STARD8: variants seen among roughly 807,000 people sequenced by gnomAD.
STARD8 encodes stAR-related lipid transfer protein 8.
STARD8 carries 25 observed loss-of-function variants against 69.4 expected under a neutral mutation model. That is an observed-to-expected ratio of 0.36 (90% CI 0.26 to 0.50). The LOEUF (loss-of-function observed/expected upper bound fraction) is 0.50. Among genes scored for constraint, STARD8 ranks in the 20% least tolerant of loss-of-function variants. STARD8 has a pLI of 0.96. For synonymous variants in STARD8, 389 were observed against 374.6 expected (o/e 1.04, Z -0.45); for missense variants, 921 against 932.5 (o/e 0.99, Z 0.16).
intron 2 of STARD8, among the ~76,000 whole-genome samples, chrX:68,706,273 GT>G (rs1468229402): frequency 8.9e-6 from 1 of 111,991 alleles, no homozygotes; most frequent in African/African-American, 3.3e-5. Context: ...CTCCTGTGAG[GT>G]TTGGAATGTA....
chrX:68,655,488 C>T (rs777018122), intron 1 of STARD8, among the ~76,000 whole-genome samples: 49 of 111,849 alleles, frequency 4.4e-4, no homozygotes, highest in Non-Finnish European at 6.0e-4. Flanking sequence ...TAGGTATTGG[C>T]CCCCTATATG....
At chrX:68,648,023 G>A (rs1050712303) in intron 1 of STARD8, 96 bp downstream of exon 1, 12 of 1,039,722 alleles carry the variant, frequency 1.2e-5, no homozygotes, top group Non-Finnish European at 1.4e-5. Context: ...GGACCAGACG[G>A]GCTTCTGAGA....
intron 1 of STARD8, among the ~76,000 whole-genome samples, chrX:68,650,796 CA>C (rs1190542205): frequency 9.9e-6 from 1 of 101,222 alleles, no homozygotes; most frequent in East Asian, 3.0e-4. Flanking sequence ...CAAAACAAAA[CA>C]AAACAAAACA....
rs766777453 is a variant in STARD8, at chrX:68,712,992, C to T, written c.151+7C>T. ...TATGTGCAGCTTTTTGAAGGTAAGG[C>T]CACTCAACTGTTTACCCTCCCATAC... On this transcript the variant is annotated splice_region_variant and intron_variant, in intron 3 of 14. Transcript: ENST00000374599. 13 of 1,197,700 alleles carry T rather than the reference C, an allele frequency of 1.1e-5. No homozygotes were observed. In the South Asian group the frequency reaches 2.2e-4, roughly 20 times the overall value.
Position 68,724,290 on chromosome X carries a change from C to T in STARD8, c.3195-15C>T, listed in dbSNP as rs757530112. On this transcript the variant is annotated splice_polypyrimidine_tract_variant and intron_variant, in intron 14 of 14. Transcript: ENST00000374599. ...AAAATCCATTGCTCATGCCTGGTTTCTTCTGCTTCCCTAGGGGCCGTTCTC... is the reference window on the plus strand; with the variant it reads ...AAAATCCATTGCTCATGCCTGGTTTTTTCTGCTTCCCTAGGGGCCGTTCTC... 47 of 1,205,179 alleles carry T rather than the reference C, an allele frequency of 3.9e-5. No homozygotes were observed. The highest frequency in any genetic ancestry group is 4.9e-5 in the Non-Finnish European group (44 of 891,150).
rs199792176 is a variant in STARD8, at chrX:68,717,464, C to T, written c.550C>T (p.Arg184Trp). ...LPGRAPSSSD[R>W]PLLSPTQGQE... is the part of the protein sequence containing the mutation. Reference sequence around the variant, plus strand: ...AGGCCGTGCCCCCAGCTCGAGTGACCGGCCCCTCCTCAGCCCCACCCAGGG... The same window carrying T: ...AGGCCGTGCCCCCAGCTCGAGTGACTGGCCCCTCCTCAGCCCCACCCAGGG... The change falls in exon 6 of 15, where the codon CGG becomes TGG. Residue 184 changes from arginine to tryptophan, a missense_variant. Coordinates refer to ENST00000374599, the MANE Select transcript of STARD8 (RefSeq NM_001142503.3). 426 of 1,208,115 alleles carry T rather than the reference C, an allele frequency of 3.5e-4. 1 individual carries two copies. The highest frequency in any genetic ancestry group is 5.2e-4 in the Admixed American group (24 of 45,741).
In STARD8 at chrX:68,725,576, A is replaced by AT. The variant is rs1213009575; in HGVS notation, c.*1155dup. ...AGCTAATATATATATATATATATAT[A>AT]TATGTGTGTGTGTGTGTGTGTGTAT... is the stretch of plus-strand genomic sequence containing the variant. On this transcript the variant is annotated 3_prime_UTR_variant, in exon 15 of 15. Coordinates refer to ENST00000374599, the MANE Select transcript of STARD8 (RefSeq NM_001142503.3). 9.6e-6 allele frequency: 1 copy of AT among 104,460 alleles called. No individual in the cohort carries two copies. The highest frequency in any genetic ancestry group is 1.0e-4 in the Admixed American group (1 of 9,668). 8.6% of individuals were successfully genotyped at this position (104,460 alleles called of 1,213,427 possible). A position where few individuals can be genotyped will look rare whatever the true frequency, so the allele number is the denominator to read the frequency against.
chrX:68,685,701 C>G (rs960282497), intron 2 of STARD8, among the ~76,000 whole-genome samples: 8 of 112,810 alleles, frequency 7.1e-5, no homozygotes, highest in African/African-American at 2.6e-4. Flanking sequence ...ATGGCCAAGT[C>G]ATTTGCATTC....
rs2080194516 is a variant in STARD8, at chrX:68,725,619, C to CACACACATATATATGTGTGTATATATAT, written c.*1203_*1230dup. 9.8e-6 allele frequency: 1 copy of CACACACATATATATGTGTGTATATATAT among 102,444 alleles called. No homozygotes were observed. Among genetic ancestry groups the CACACACATATATATGTGTGTATATATAT allele is most frequent in the Admixed American group, 1.1e-4 (1 of 9,397 alleles). The allele number at this position is 102,444 out of a possible 1,213,427, so 8.4% of individuals were successfully genotyped here. On this transcript the variant is annotated 3_prime_UTR_variant, in exon 15 of 15. Transcript: ENST00000374599. Reference sequence around the variant, plus strand: ...GTGTGTATATGTGTTTATAGAGATACACACACATATATATGTGTGTATATA... The same window carrying CACACACATATATATGTGTGTATATATAT: ...GTGTGTATATGTGTTTATAGAGATACACACACATATATATGTGTGTATATATATACACACATATATATGTGTGTATATA...
intron 2 of STARD8, among the ~76,000 whole-genome samples, chrX:68,711,359 A>G (rs1386139728): frequency 5.4e-5 from 6 of 111,641 alleles, no homozygotes; most frequent in Non-Finnish European, 9.4e-5. Flanking sequence ...GCATGGTCCC[A>G]CAGTGATCCT....
At chrX:68,656,118 G>A (rs2099708658) in intron 1 of STARD8, 1 of 112,069 alleles carries the variant, frequency 8.9e-6, no homozygotes, top group Non-Finnish European at 1.9e-5. Context: ...TCTTGATGCA[G>A]TGAAAAGACC....
intron 1 of STARD8, among the ~76,000 whole-genome samples, chrX:68,653,178 AAC>A (rs2079576012): frequency 3.4e-4 from 1 of 2,918 alleles, no homozygotes; most frequent in African/African-American, 1.3e-3. Flanking sequence ...ACACACACAC[AAC>A]ACAGCACACA....
At chrX:68,648,370 C>G (rs1045821857) in intron 1 of STARD8, among the ~76,000 whole-genome samples, 7 of 111,673 alleles carry the variant, frequency 6.3e-5, no homozygotes, top group African/African-American at 2.0e-4. Context: ...GTGGAGCATC[C>G]ACACAAACAA....
Position 68,663,521 on chromosome X carries a change from T to A in STARD8, c.46-1978T>A, listed in dbSNP as rs773443456. Among the ~76,000 whole-genome samples, 4 of 112,301 alleles carry A rather than the reference T, an allele frequency of 3.6e-5. No homozygotes were observed. The South Asian group carries it at 1.5e-3, about 42-fold the overall frequency. On this transcript the variant is annotated intron_variant, in intron 1 of 14. Transcript: ENST00000374599. ...ATAAATCCCTAAATTTAAGGCCTAC[T>A]TATCTCCTGAACTATCTGTAATTCT...
At chrX:68,653,647 C>G (rs1368379047) in intron 1 of STARD8, among the ~76,000 whole-genome samples, 1 of 75,584 alleles carries the variant, frequency 1.3e-5, no homozygotes, top group Non-Finnish European at 2.6e-5. Flanking sequence ...CACACACACA[C>G]CATACACGCC....
intron 1 of STARD8, among the ~76,000 whole-genome samples, chrX:68,652,859 ACACACACACACACCCACACCC>A: frequency 5.5e-5 from 1 of 18,084 alleles, no homozygotes; most frequent in African/African-American, 2.6e-4. Flanking sequence ...ACACCACACC[ACACACACACACACCCACACCC>A]CACACACACA....
At chrX:68,699,658 C>T (rs2079951146) in intron 2 of STARD8, among the ~76,000 whole-genome samples, 1 of 111,776 alleles carries the variant, frequency 8.9e-6, no homozygotes, top group African/African-American at 3.3e-5. Flanking sequence ...GTCCTCTGTC[C>T]TCCCTACATG....
chrX:68,674,036 G>A (rs968294790), intron 2 of STARD8, among the ~76,000 whole-genome samples: 4 of 111,676 alleles, frequency 3.6e-5, no homozygotes, highest in Non-Finnish European at 7.5e-5. Flanking sequence ...GCTCACACCT[G>A]TAATCCCAGC....
intron 13 of STARD8, 33 bp downstream of exon 13, chrX:68,723,876 T>TG (rs756520067): frequency 1.0e-5 from 12 of 1,204,054 alleles, no homozygotes; most frequent in Non-Finnish European, 1.3e-5. Flanking sequence ...CTTCTGTGCT[T>TG]GGGGGGCCGG....
Sources: allele counts gnomAD v4.1 joint callset (sites outside exome capture counted in the v4.1 genomes callset), GRCh38; gene constraint gnomAD v4.1.1; transcripts MANE v1.5; gene names NCBI Gene and HGNC (gene_info 2026-07-23, HGNC 2026-07-21).